The following MECR variants were observed in gnomAD, a reference collection of about 807,000 sequenced individuals.
The protein encoded by MECR is enoyl-[acyl-carrier-protein] reductase, mitochondrial.
Under a neutral mutation model 49.1 loss-of-function variants are expected in MECR, and 37 were observed. The ratio of observed to expected loss-of-function variants is 0.75; its 90% CI spans 0.58 to 0.99. MECR has a LOEUF of 0.99. Ranked by LOEUF, MECR falls within the 50% of genes least tolerant of loss-of-function variation. The probability of loss-of-function intolerance (pLI) is 0.00; values close to 1 mark genes in which losing one functional copy is unlikely to be tolerated. For synonymous variants in MECR, 198 were observed against 191.1 expected, an observed-to-expected ratio of 1.04 and a Z score of -0.30; for missense variants, 470 against 479.6, an observed-to-expected ratio of 0.98 and a Z score of 0.19.
Position 29,230,771 on chromosome 1 carries a change from G to A in MECR, c.136C>T (p.Leu46Phe). Residue 46 changes from leucine to phenylalanine, a missense_variant, in exon 1 of 10, where the codon CTT becomes TTT. Leu to Phe is a conservative substitution (Grantham distance 22, BLOSUM62 0). Transcript: ENST00000263702. ...ASAEPARVRA[L>F]VYGHHGDPAK... The stretch of plus-strand genomic sequence containing the variant: ...GGATCCCCGTGGTGCCCATAGACAA[G>A]CGCCCGGACCCGGGCAGGCTCGGCG... 1.3e-6 allele frequency: 2 copies of A among 1,598,526 alleles called. No individual in the cohort carries two copies. Among genetic ancestry groups the A allele is most frequent in the Non-Finnish European group, 1.7e-6 (2 of 1,173,146 alleles).
the MECR span, chr1:29,181,864 G>A: frequency 7.0e-6 from 6 of 851,502 alleles, no homozygotes; most frequent in Non-Finnish European, 9.7e-6. Flanking sequence ...GCGGCGGGAC[G>A]GACGCAGCCG....
Position 29,201,270 on chromosome 1 carries a change from T to C in MECR, c.756+673A>G, listed in dbSNP as rs1454181021. The C allele has an allele frequency of 3.8e-5, 16 of 424,300 alleles. No homozygotes were observed. The Admixed American group carries it at 4.8e-4, about 13-fold the overall frequency. 26.3% of individuals were successfully genotyped at this position (424,300 alleles called of 1,614,324 possible). On this transcript the variant is annotated intron_variant, in intron 6 of 9. Coordinates refer to ENST00000263702, the MANE Select transcript of MECR (RefSeq NM_016011.5). This position sits in a 1 kb window ranked among gnomAD's most constrained non-coding sequence, Gnocchi z 4.3. ...ACTCAGCTGATATTATATATGCTGA[T>C]CTACTGCTTCAGAAATGTTCGCAAG...
At chr1:29,176,274 C>CA in the MECR span, among the ~76,000 whole-genome samples, 3 of 151,602 alleles carry the variant, frequency 2.0e-5, no homozygotes, top group East Asian at 1.9e-4. Context: ...AAACAAAAAA[C>CA]AAAAAAACAA....
the MECR span, among the ~76,000 whole-genome samples, chr1:29,176,253 AAAAAAAC>A: frequency 4.7e-4 from 72 of 152,250 alleles, no homozygotes; most frequent in African/African-American, 1.3e-3. Context: ...CTCCATCTCA[AAAAAAAC>A]AAAAAACAAA....
chr1:29,227,212 C>T (rs144046187), intron 1 of MECR, among the ~76,000 whole-genome samples: 1 of 152,198 alleles, frequency 6.6e-6, no homozygotes, highest in African/African-American at 2.4e-5. Context: ...ATCCGCCCGC[C>T]TCGGCCTCCC....
chr1:29,213,832 A>C (rs898687441), intron 3 of MECR, among the ~76,000 whole-genome samples: 1 of 152,254 alleles, frequency 6.6e-6, no homozygotes, highest in Non-Finnish European at 1.5e-5. Context: ...TGAGGTATCC[A>C]TCTCATGTTG....
At chr1:29,169,999 A>G in the MECR span, 1 of 152,240 alleles carries the variant, frequency 6.6e-6, no homozygotes, top group Non-Finnish European at 1.5e-5. Context: ...TCACTTTTAC[A>G]CTGCAAATAG....
intron 9 of MECR, 142 bp downstream of exon 9, chr1:29,195,798 TG>T: frequency 1.2e-6 from 1 of 821,598 alleles, no homozygotes; most frequent in Non-Finnish European, 2.0e-6. Context: ...TGACTGTAGC[TG>T]GACTAAGGCT....
At chr1:29,219,363 C>T (rs1680215240) in intron 1 of MECR, among the ~76,000 whole-genome samples, 1 of 152,164 alleles carries the variant, frequency 6.6e-6, no homozygotes, top group African/African-American at 2.4e-5. Context: ...ATTTTTTCTG[C>T]ACATTTTCTA....
chr1:29,210,128 A>G lies in MECR; in HGVS notation c.407-3223T>C, dbSNP rs560014788. Among the ~76,000 whole-genome samples the G allele has an allele frequency of 1.6e-3, 241 of 151,506 alleles. 1 individual carries two copies. Among genetic ancestry groups the G allele is most frequent in the African/African-American group, 5.6e-3 (230 of 41,216 alleles). ...AAGGCTCCCGCCATTCTCCTGCCTC[A>G]GCCTCCCAAGTAGCTGGGACTACAC... is the stretch of plus-strand genomic sequence containing the variant. On this transcript the variant is annotated intron_variant, in intron 3 of 9. Coordinates refer to ENST00000263702, the MANE Select transcript of MECR (RefSeq NM_016011.5).
At chr1:29,185,141 C>A in the MECR span, among the ~76,000 whole-genome samples, 1 of 152,042 alleles carries the variant, frequency 6.6e-6, no homozygotes, top group Non-Finnish European at 1.5e-5. Context: ...AAGAAACAAA[C>A]AAACAACTGG....
chr1:29,211,319 T>C (rs1049258638), intron 3 of MECR, among the ~76,000 whole-genome samples: 1 of 152,246 alleles, frequency 6.6e-6, no homozygotes, highest in Non-Finnish European at 1.5e-5. Context: ...TCTGCCCGCC[T>C]TGGCCTCCCA....
intron 1 of MECR, chr1:29,220,961 C>T (rs370248590): frequency 4.1e-6 from 4 of 975,840 alleles, no homozygotes; most frequent in African/African-American, 3.5e-5. Flanking sequence ...AAGACAGCAA[C>T]GTTTTGGAAA....
chr1:29,197,679 G>A (rs923665132), intron 7 of MECR, among the ~76,000 whole-genome samples: 1 of 152,196 alleles, frequency 6.6e-6, no homozygotes, highest in African/African-American at 2.4e-5. Context: ...CTGCTGGGTA[G>A]TTTGGTCTTA....
rs760915363 is a variant in MECR at position 29,201,469 on chromosome 1, A to C, written c.756+474T>G. The C allele has an allele frequency of 2.0e-6, 1 of 505,436 alleles. No homozygotes were observed. The highest frequency in any genetic ancestry group is 5.7e-5 in the East Asian group (1 of 17,410). The allele number at this position is 505,436 out of a possible 1,614,324, so 31.3% of individuals were successfully genotyped here. On this transcript the variant is annotated intron_variant, in intron 6 of 9. Coordinates refer to ENST00000263702, the MANE Select transcript of MECR (RefSeq NM_016011.5). This position sits in a 1 kb window ranked among gnomAD's most constrained non-coding sequence, Gnocchi z 4.3. Reference sequence around the variant, plus strand: ...TGACTCTCTGGAGCCCTTATAAACTATATGATTTTGGTTAAGCATTTCCTC... The same window carrying C: ...TGACTCTCTGGAGCCCTTATAAACTCTATGATTTTGGTTAAGCATTTCCTC...
chr1:29,177,515 T>C, the MECR span, among the ~76,000 whole-genome samples: 1 of 152,086 alleles, frequency 6.6e-6, no homozygotes, highest in Non-Finnish European at 1.5e-5. Context: ...CTTATGACCT[T>C]GGGTGATCTG....
chr1:29,179,490 G>A, the MECR span, among the ~76,000 whole-genome samples: 2 of 152,060 alleles, frequency 1.3e-5, no homozygotes, highest in Non-Finnish European at 2.9e-5. Context: ...CTCTGAAGTA[G>A]CTAGGACTAT....
At chr1:29,185,845 A>G in the MECR span, among the ~76,000 whole-genome samples, 17,516 of 152,194 alleles carry the variant, frequency 0.12, 1,368 homozygotes, top group East Asian at 0.41. Flanking sequence ...TTAGCCAGGC[A>G]TGGCGGTGCA....
At chr1:29,206,304 C>A (rs541869565) in intron 4 of MECR, among the ~76,000 whole-genome samples, 23 of 152,342 alleles carry the variant, frequency 1.5e-4, no homozygotes, top group Admixed American at 1.3e-3. Flanking sequence ...AACCTTACTG[C>A]AATGCTGTGA....
Sources: gnomAD v4.1 joint callset for allele counts (sites outside exome capture counted in the v4.1 genomes callset) on GRCh38, gnomAD v4.1.1 for gene constraint, Gnocchi (gnomAD v3.1) non-coding constraint, MANE v1.5 for transcripts, NCBI Gene and HGNC (gene_info 2026-07-23, HGNC 2026-07-21) for gene names.